ADAMTS16: variants seen among roughly 807,000 people sequenced by gnomAD.
ADAMTS16 encodes A disintegrin and metalloproteinase with thrombospondin motifs 16.
Under a neutral mutation model 145.8 loss-of-function variants are expected in ADAMTS16, and 94 were observed. That is an observed-to-expected ratio of 0.64 (90% CI 0.55 to 0.77). The LOEUF is 0.77. Ranked by LOEUF, ADAMTS16 falls within the 30% of genes least tolerant of loss-of-function variation. The probability of loss-of-function intolerance (pLI) is 0.00; values close to 1 mark genes in which losing one functional copy is unlikely to be tolerated. For missense variants in ADAMTS16, 1,585 were observed against 1,591.5 expected (o/e 1.00, Z 0.07); for synonymous variants, 659 against 604.3 (o/e 1.09, Z -1.33).
intron 21 of ADAMTS16, among the ~76,000 whole-genome samples, chr5:5,311,136 C>T (rs1484590544): frequency 1.3e-5 from 2 of 151,868 alleles, no homozygotes; most frequent in African/African-American, 4.8e-5. Flanking sequence ...CTGGCTTGTC[C>T]ACTCTCGGCC....
At chr5:5,172,306 G>T (rs1279646873) in intron 3 of ADAMTS16, among the ~76,000 whole-genome samples, 1 of 151,396 alleles carries the variant, frequency 6.6e-6, no homozygotes, top group African/African-American at 2.4e-5. Flanking sequence ...GTTTGCTCTT[G>T]CTTTTCTAGT....
intron 9 of ADAMTS16, among the ~76,000 whole-genome samples, chr5:5,208,142 C>G (rs1736178879): frequency 6.6e-6 from 1 of 152,114 alleles, no homozygotes; most frequent in Non-Finnish European, 1.5e-5. Context: ...GAGAACCCAT[C>G]TGGGCTATAT....
intron 2 of ADAMTS16, among the ~76,000 whole-genome samples, chr5:5,142,738 A>G (rs1247613929): frequency 3.3e-5 from 5 of 152,298 alleles, no homozygotes; most frequent in African/African-American, 1.2e-4. Context: ...TGGTGGCTGA[A>G]GTAATTACAA....
chr5:5,262,925 T>C, intron 18 of ADAMTS16, 142 bp downstream of exon 18: 1 of 1,253,094 alleles, frequency 8.0e-7, no homozygotes. Flanking sequence ...GGACAAGAGC[T>C]GCCTGGACAA....
Position 5,319,573 on chromosome 5 carries a change from C to T in ADAMTS16, c.*435C>T. 3.4e-6 allele frequency: 1 copy of T among 292,818 alleles called. No individual in the cohort carries two copies. The highest frequency in any genetic ancestry group is 6.6e-6 in the Non-Finnish European group (1 of 151,680). The allele number at this position is 292,818 out of a possible 1,614,324, so 18.1% of individuals were successfully genotyped here. On this transcript the variant is annotated 3_prime_UTR_variant, in exon 23 of 23. Transcript: ENST00000274181. ...ATGTACCCCCTAGTTCACCAGCCTC[C>T]CCTCCCACTAGGAGGGCCCCTCGAG...
intron 10 of ADAMTS16, among the ~76,000 whole-genome samples, chr5:5,220,786 T>C (rs916909088): frequency 9.9e-5 from 15 of 152,024 alleles, no homozygotes; most frequent in African/African-American, 2.7e-4. Flanking sequence ...CCTGCCCACA[T>C]CTGCTTGCAA....
At position 5,215,905 on chromosome 5, in the gene ADAMTS16, T is replaced by A. The variant is rs867440817; in HGVS notation, c.1605+6659T>A. On this transcript the variant is annotated intron_variant, in intron 10 of 22. Coordinates refer to ENST00000274181, the MANE Select transcript of ADAMTS16 (RefSeq NM_139056.4). ...ATATATATATATATATATATATATA[T>A]ATATATATATCACAGTTTCTTTGTC... Among the ~76,000 whole-genome samples, 83 of 139,206 alleles carry A rather than the reference T, an allele frequency of 6.0e-4. 1 individual carries two copies. The highest frequency in any genetic ancestry group is 2.2e-3 in the African/African-American group (82 of 36,746). 91.3% of individuals were successfully genotyped at this position (139,206 alleles called of 152,430 possible).
Position 5,160,037 on chromosome 5 carries a change from G to A in ADAMTS16, c.501+13582G>A, listed in dbSNP as rs1360086787. 3.3e-5 allele frequency among the ~76,000 whole-genome samples: 5 copies of A among 152,198 alleles called. No individual in the cohort carries two copies. The East Asian group carries it at 9.6e-4, about 29-fold the overall frequency. ...GGTAATAAATAAAGAATGATGGATT[G>A]CAGCTACTAAGCCAAAAAGAAGCTA... On this transcript the variant is annotated intron_variant, in intron 3 of 22. Transcript: ENST00000274181.
At chr5:5,292,498 A>AAATAATAAT (rs55690811) in intron 18 of ADAMTS16, among the ~76,000 whole-genome samples, 205 of 146,820 alleles carry the variant, frequency 1.4e-3, no homozygotes, top group African/African-American at 4.9e-3. Flanking sequence ...ACTCCAGCTC[A>AAATAATAAT]AATAATAATA....
chr5:5,203,516 C>T (rs1579308107), intron 9 of ADAMTS16, among the ~76,000 whole-genome samples: 2 of 152,176 alleles, frequency 1.3e-5, no homozygotes, highest in Admixed American at 1.3e-4. Context: ...TGTAAGGGAA[C>T]TCAATTGGCC....
At chr5:5,164,663 C>T (rs1052681434) in intron 3 of ADAMTS16, among the ~76,000 whole-genome samples, 12 of 152,108 alleles carry the variant, frequency 7.9e-5, no homozygotes, top group Non-Finnish European at 4.4e-5. Context: ...CAGCTTTGTT[C>T]TGTTTTCTTT....
intron 4 of ADAMTS16, among the ~76,000 whole-genome samples, chr5:5,185,100 G>A (rs1387947092): frequency 2.6e-5 from 4 of 152,106 alleles, no homozygotes; most frequent in Admixed American, 2.6e-4. Context: ...TGCGGGCATT[G>A]CATAAACATT....
chr5:5,158,210 C>T (rs1447922920), intron 3 of ADAMTS16, among the ~76,000 whole-genome samples: 7 of 152,174 alleles, frequency 4.6e-5, no homozygotes, highest in Non-Finnish European at 8.8e-5. Context: ...ATTTACCCCT[C>T]CCTCTCAATA....
At chr5:5,218,870 A>C (rs1471710399) in intron 10 of ADAMTS16, among the ~76,000 whole-genome samples, 4 of 152,070 alleles carry the variant, frequency 2.6e-5, no homozygotes, top group African/African-American at 9.7e-5. Flanking sequence ...CACGTCATTC[A>C]TCTTTCCACC....
chr5:5,295,229 G>A (rs1739484014), intron 18 of ADAMTS16, among the ~76,000 whole-genome samples: 1 of 152,116 alleles, frequency 6.6e-6, no homozygotes, highest in African/African-American at 2.4e-5. Flanking sequence ...TTATCTGAGT[G>A]GGAAGTTGTT....
At chr5:5,241,877 A>G in intron 16 of ADAMTS16, among the ~76,000 whole-genome samples, 176 bp from the exon 17 acceptor site, 1 of 152,196 alleles carries the variant, frequency 6.6e-6, no homozygotes, top group East Asian at 1.9e-4. Context: ...GCTTGAATCT[A>G]GATGGGAGGG....
chr5:5,279,945 TTTCC>T (rs1392397422), intron 18 of ADAMTS16, among the ~76,000 whole-genome samples: 13 of 147,832 alleles, frequency 8.8e-5, no homozygotes, highest in Admixed American at 4.2e-4. Context: ...TTTCTTTCTT[TTTCC>T]TTCCTTCCTT....
Position 5,208,791 on chromosome 5 carries a change from G to C in ADAMTS16, c.1452-302G>C, listed in dbSNP as rs576071311. On this transcript the variant is annotated intron_variant, in intron 9 of 22. Coordinates refer to ENST00000274181, the MANE Select transcript of ADAMTS16 (RefSeq NM_139056.4). ...GTCCATCATAAGAGCTTCTCATGTTGAACACTGGTTGTAATTATTCAGTTG... is the reference window on the plus strand; with the variant it reads ...GTCCATCATAAGAGCTTCTCATGTTCAACACTGGTTGTAATTATTCAGTTG... 2.7e-3 allele frequency among the ~76,000 whole-genome samples: 413 copies of C among 152,272 alleles called. 1 individual carries two copies. The highest frequency in any genetic ancestry group is 9.6e-3 in the African/African-American group (398 of 41,558).
At chr5:5,226,057 G>C (rs781445060) in intron 11 of ADAMTS16, among the ~76,000 whole-genome samples, 1 of 152,098 alleles carries the variant, frequency 6.6e-6, no homozygotes, top group Non-Finnish European at 1.5e-5. Context: ...TTCCATCTTC[G>C]CATCTCTCTA....
Sources: gnomAD v4.1 joint callset for allele counts (sites outside exome capture counted in the v4.1 genomes callset) on GRCh38, gnomAD v4.1.1 for gene constraint, MANE v1.5 for transcripts, NCBI Gene and HGNC (gene_info 2026-07-23, HGNC 2026-07-21) for gene names.